Variants in TEAD1 observed in about 807,000 individuals in gnomAD.
TEAD1 encodes the protein TEA domain transcription factor 1.
Under a neutral mutation model 54.9 loss-of-function variants are expected in TEAD1, and 9 were observed. The ratio of observed to expected loss-of-function variants is 0.16; its 90% confidence interval spans 0.10 to 0.29. The LOEUF is 0.29. TEAD1 is among the 10% of genes least tolerant of loss of function. The pLI, the probability that TEAD1 is intolerant of heterozygous loss-of-function variation, is 1.00. For missense variants in TEAD1, 387 were observed against 535.9 expected (o/e 0.72, Z 2.74); for synonymous variants, 200 against 187.8 (o/e 1.07, Z -0.53).
At chr11:12,900,351 A>G (rs1948405458) in intron 9 of TEAD1, among the ~76,000 whole-genome samples, 1 of 152,156 alleles carries the variant, frequency 6.6e-6, no homozygotes, top group South Asian at 2.1e-4. Context: ...ATGAGCCACC[A>G]TGGCCAGTCA....
At chr11:12,781,968 A>AAAAAG (rs1945558485) in intron 3 of TEAD1, among the ~76,000 whole-genome samples, 1 of 135,624 alleles carries the variant, frequency 7.4e-6, no homozygotes, top group Non-Finnish European at 1.5e-5. Flanking sequence ...AAAAAAAAAA[A>AAAAAG]AAAGAAAGAA....
chr11:12,717,447 C>T (rs1255769117), intron 2 of TEAD1, among the ~76,000 whole-genome samples: 1 of 152,216 alleles, frequency 6.6e-6, no homozygotes, highest in Non-Finnish European at 1.5e-5. Flanking sequence ...ATTACACCTC[C>T]ACAGAAATCA....
chr11:12,808,929 G>A (rs547969983), intron 3 of TEAD1, among the ~76,000 whole-genome samples: 2 of 152,138 alleles, frequency 1.3e-5, no homozygotes, highest in Admixed American at 6.5e-5. Context: ...CATAATTCTC[G>A]CAAAATGCTG....
At chr11:12,845,830 G>C (rs1386976909) in intron 3 of TEAD1, among the ~76,000 whole-genome samples, 1 of 152,184 alleles carries the variant, frequency 6.6e-6, no homozygotes, top group Non-Finnish European at 1.5e-5. Context: ...AGAATTGGTC[G>C]CCTCTCTGGG....
chr11:12,805,607 C>T (rs1344814543), intron 3 of TEAD1, among the ~76,000 whole-genome samples: 1 of 152,130 alleles, frequency 6.6e-6, no homozygotes, highest in Non-Finnish European at 1.5e-5. Flanking sequence ...TTGCAAAATG[C>T]TTGATCCCAG....
intron 3 of TEAD1, among the ~76,000 whole-genome samples, chr11:12,776,918 C>CG (rs1945434894): frequency 6.6e-6 from 1 of 151,902 alleles, no homozygotes; most frequent in South Asian, 2.1e-4. Context: ...CCTCAGCCTC[C>CG]GCAGTGGCTG....
At chr11:12,887,046 A>T (rs977455039) in intron 9 of TEAD1, among the ~76,000 whole-genome samples, 12 of 148,914 alleles carry the variant, frequency 8.1e-5, no homozygotes, top group Non-Finnish European at 1.8e-4. Flanking sequence ...AACACAAATG[A>T]TTTAATATAT....
rs1267329176 is a variant in TEAD1 at position 12,938,862 on chromosome 11, T to A, written c.*1640T>A. 6.6e-6 allele frequency: 1 copy of A among 152,224 alleles called. No homozygotes were observed. Among genetic ancestry groups the A allele is most frequent in the South Asian group, 2.1e-4 (1 of 4,830 alleles). 9.4% of individuals were successfully genotyped at this position (152,224 alleles called of 1,614,324 possible). The stretch of plus-strand genomic sequence containing the variant: ...AAGTGGTAGGAACATGTGCACACAA[T>A]AGAACATGAAATAAGTTTTTTAACT... On this transcript the variant is annotated 3_prime_UTR_variant, in exon 13 of 13. Transcript: ENST00000527636.
At chr11:12,846,990 T>C (rs1564962060) in intron 3 of TEAD1, among the ~76,000 whole-genome samples, 1 of 152,176 alleles carries the variant, frequency 6.6e-6, no homozygotes, top group Non-Finnish European at 1.5e-5. Flanking sequence ...CTGCATTCCA[T>C]AAGCATCCAA....
intron 2 of TEAD1, among the ~76,000 whole-genome samples, chr11:12,689,156 AC>A (rs1032180891): frequency 2.0e-5 from 3 of 149,552 alleles, no homozygotes; most frequent in African/African-American, 7.4e-5. Context: ...TCCACTTTTC[AC>A]CCTTTCTCCT....
chr11:12,898,786 G>A (rs1948367009), intron 9 of TEAD1, among the ~76,000 whole-genome samples: 2 of 152,162 alleles, frequency 1.3e-5, no homozygotes, highest in African/African-American at 2.4e-5. Context: ...AATATTACAG[G>A]TATTATATCC....
chr11:12,820,194 T>C (rs1946512262), intron 3 of TEAD1, among the ~76,000 whole-genome samples: 1 of 152,136 alleles, frequency 6.6e-6, no homozygotes, highest in African/African-American at 2.4e-5. Flanking sequence ...GTGATCTGGT[T>C]TGAATAATGT....
intron 5 of TEAD1, among the ~76,000 whole-genome samples, chr11:12,877,558 C>G (rs1589950721): frequency 6.6e-6 from 1 of 151,948 alleles, no homozygotes; most frequent in Admixed American, 6.6e-5. Flanking sequence ...ACTCAGGAGG[C>G]TGAGGTAGGA....
At chr11:12,760,842 G>A (rs1158908142) in intron 2 of TEAD1, among the ~76,000 whole-genome samples, 2 of 152,092 alleles carry the variant, frequency 1.3e-5, no homozygotes, top group Admixed American at 1.3e-4. Context: ...TGGTTATTTT[G>A]GTATCCAGTA....
At chr11:12,744,668 A>G (rs1028380860) in intron 2 of TEAD1, among the ~76,000 whole-genome samples, 1 of 152,236 alleles carries the variant, frequency 6.6e-6, no homozygotes, top group Non-Finnish European at 1.5e-5. Context: ...TTTTATAACT[A>G]GAGGTGTTCC....
At chr11:12,914,314 T>A (rs897799750) in intron 10 of TEAD1, among the ~76,000 whole-genome samples, 2 of 152,194 alleles carry the variant, frequency 1.3e-5, no homozygotes, top group African/African-American at 4.8e-5. Flanking sequence ...TTTAAAAATC[T>A]TCTATTTTGT....
chr11:12,852,546 C>G (rs1490131982), intron 3 of TEAD1, among the ~76,000 whole-genome samples: 2 of 151,358 alleles, frequency 1.3e-5, no homozygotes, highest in African/African-American at 4.9e-5. Context: ...CCCCTTGGTT[C>G]AAGCAATTCC....
chr11:12,938,777 G>A lies in TEAD1; in HGVS notation c.*1555G>A, dbSNP rs1949132468. 1 of 152,244 alleles carries A rather than the reference G, an allele frequency of 6.6e-6. No homozygotes were observed. The highest frequency in any genetic ancestry group is 2.4e-5 in the African/African-American group (1 of 41,460). 9.4% of individuals were successfully genotyped at this position (152,244 alleles called of 1,614,324 possible). ...ATGTTTTGAGTTATTTCCCTTAAGTGTTTCACTGGGGAGAGAACAGGGAGT... is the reference window on the plus strand; with the variant it reads ...ATGTTTTGAGTTATTTCCCTTAAGTATTTCACTGGGGAGAGAACAGGGAGT... On this transcript the variant is annotated 3_prime_UTR_variant, in exon 13 of 13. Transcript: ENST00000527636.
intron 2 of TEAD1, among the ~76,000 whole-genome samples, chr11:12,676,508 C>T (rs576969770): frequency 1.6e-4 from 25 of 152,338 alleles, no homozygotes; most frequent in Non-Finnish European, 1.8e-4. Flanking sequence ...TGGGTTTGTG[C>T]CCCGCTTCTG....
Sources: gnomAD v4.1 joint callset for allele counts (sites outside exome capture counted in the v4.1 genomes callset) on GRCh38, gnomAD v4.1.1 for gene constraint, MANE v1.5 for transcripts, NCBI Gene and HGNC (gene_info 2026-07-23, HGNC 2026-07-21) for gene names.